The following NR3C2 variants were observed in gnomAD, a reference collection of about 807,000 sequenced individuals.
The protein encoded by NR3C2 is mineralocorticoid receptor.
In NR3C2, 15 loss-of-function variants were observed where a neutral mutation model predicts 86.4. The observed-to-expected ratio is 0.17, with a 90% CI of 0.12 to 0.27. NR3C2 has a LOEUF of 0.27. Ranked by LOEUF, NR3C2 falls within the 10% of genes least tolerant of loss-of-function variation. The probability of loss-of-function intolerance (pLI) is 1.00; values close to 1 mark genes in which losing one functional copy is unlikely to be tolerated. For missense variants in NR3C2, 960 were observed against 1,195.6 expected (o/e 0.80, Z 2.91); for synonymous variants, 458 against 450.5 (o/e 1.02, Z -0.21).
At chr4:148,251,205 C>T (rs1435107363) in intron 3 of NR3C2, among the ~76,000 whole-genome samples, 1 of 152,080 alleles carries the variant, frequency 6.6e-6, no homozygotes, top group Non-Finnish European at 1.5e-5. Context: ...ATAATCCACC[C>T]GCCTAAACCT....
chr4:148,246,058 G>A (rs917721224), intron 3 of NR3C2, among the ~76,000 whole-genome samples: 1 of 151,576 alleles, frequency 6.6e-6, no homozygotes, highest in African/African-American at 2.4e-5. Context: ...AAGCCTAAGT[G>A]TAAGAAACGA....
At position 148,213,591 on chromosome 4, in the gene NR3C2, TC is replaced by T. The variant is rs1392735132; in HGVS notation, c.1898-18730del. On this transcript the variant is annotated intron_variant, in intron 3 of 8. Coordinates refer to ENST00000358102, the MANE Select transcript of NR3C2 (RefSeq NM_000901.5). ...AAAGGCTATGGTCTTTCACATGTAC[TC>T]AACCTTTAAGTCAATACAATCTAAT... 1.1e-4 allele frequency among the ~76,000 whole-genome samples: 16 copies of T among 152,096 alleles called. No homozygotes were observed. In the East Asian group the frequency reaches 2.7e-3, roughly 26 times the overall value.
chr4:148,427,420 A>G (rs963060839), intron 2 of NR3C2, among the ~76,000 whole-genome samples: 1 of 152,018 alleles, frequency 6.6e-6, no homozygotes, highest in African/African-American at 2.4e-5. Flanking sequence ...GTAGGTATCC[A>G]CAGTGAAGAA....
intron 2 of NR3C2, among the ~76,000 whole-genome samples, chr4:148,318,726 TG>T (rs1743369822): frequency 6.6e-6 from 1 of 152,090 alleles, no homozygotes; most frequent in South Asian, 2.1e-4. Flanking sequence ...TGGGGTTGTT[TG>T]TTTTTTTCTT....
At chr4:148,203,330 A>T (rs578075229) in intron 3 of NR3C2, among the ~76,000 whole-genome samples, 25 of 152,296 alleles carry the variant, frequency 1.6e-4, no homozygotes, top group African/African-American at 4.3e-4. Flanking sequence ...TAAAAAAAAA[A>T]AATCATTTAT....
chr4:148,364,315 A>C (rs1311246198), intron 2 of NR3C2, among the ~76,000 whole-genome samples: 3 of 152,208 alleles, frequency 2.0e-5, no homozygotes, highest in Non-Finnish European at 2.9e-5. Flanking sequence ...TGACTGACAC[A>C]CTGCTTTAGG....
chr4:148,391,974 A>G (rs1265939634), intron 2 of NR3C2, among the ~76,000 whole-genome samples: 2 of 151,804 alleles, frequency 1.3e-5, no homozygotes, highest in African/African-American at 2.4e-5. Flanking sequence ...AAACCTTTGG[A>G]GAAATAAAAA....
chr4:148,209,243 CA>C (rs772286541), intron 3 of NR3C2, among the ~76,000 whole-genome samples: 80 of 108,850 alleles, frequency 7.3e-4, no homozygotes, highest in Non-Finnish European at 6.7e-4. Context: ...GACTCAGTCT[CA>C]AAAAAAAAAA....
At chr4:148,307,421 T>C (rs955568240) in intron 2 of NR3C2, among the ~76,000 whole-genome samples, 5 of 152,204 alleles carry the variant, frequency 3.3e-5, no homozygotes, top group Non-Finnish European at 7.3e-5. Context: ...TATTAACTCA[T>C]AGACTCATAT....
At chr4:148,301,805 C>A (rs762499169) in intron 2 of NR3C2, among the ~76,000 whole-genome samples, 7 of 152,164 alleles carry the variant, frequency 4.6e-5, no homozygotes, top group Non-Finnish European at 7.3e-5. Context: ...CTCTTGGATG[C>A]TACGGAGGAC....
At chr4:148,124,842 A>G (rs1379459435) in intron 6 of NR3C2, among the ~76,000 whole-genome samples, 1 of 152,106 alleles carries the variant, frequency 6.6e-6, no homozygotes, top group African/African-American at 2.4e-5. Context: ...ATAATCTACC[A>G]TTTAATATCT....
intron 2 of NR3C2, among the ~76,000 whole-genome samples, chr4:148,316,867 T>C (rs1381860454): frequency 6.6e-6 from 1 of 152,144 alleles, no homozygotes; most frequent in African/African-American, 2.4e-5. Flanking sequence ...AGTGGTGTGA[T>C]CATGGCTCAC....
At chr4:148,295,898 G>A (rs1164036003) in intron 2 of NR3C2, among the ~76,000 whole-genome samples, 3 of 151,890 alleles carry the variant, frequency 2.0e-5, no homozygotes, top group Non-Finnish European at 4.4e-5. Flanking sequence ...ATAGACTGCA[G>A]CCCAATAGGA....
chr4:148,307,031 G>A (rs557804511), intron 2 of NR3C2, among the ~76,000 whole-genome samples: 8 of 151,680 alleles, frequency 5.3e-5, no homozygotes, highest in African/African-American at 1.4e-4. Flanking sequence ...GCTTTCTCTC[G>A]AACGTGAATA....
At chr4:148,194,468 T>C (rs560468120) in intron 4 of NR3C2, among the ~76,000 whole-genome samples, 1 of 152,330 alleles carries the variant, frequency 6.6e-6, no homozygotes, top group East Asian at 1.9e-4. Context: ...AAGTCATTCA[T>C]TTTTGTTTTG....
At chr4:148,354,819 T>C (rs1261243666) in intron 2 of NR3C2, among the ~76,000 whole-genome samples, 1 of 152,180 alleles carries the variant, frequency 6.6e-6, no homozygotes, top group Admixed American at 6.6e-5. Flanking sequence ...TATAGAATTA[T>C]CTTAATCAAG....
intron 2 of NR3C2, among the ~76,000 whole-genome samples, chr4:148,273,792 G>C (rs941179955): frequency 4.6e-5 from 7 of 152,208 alleles, no homozygotes; most frequent in African/African-American, 1.4e-4. Context: ...AGTGGGCACA[G>C]AGCATGACTA....
chr4:148,284,408 A>T (rs1018632607), intron 2 of NR3C2, among the ~76,000 whole-genome samples: 3 of 152,180 alleles, frequency 2.0e-5, no homozygotes, highest in African/African-American at 4.8e-5. Context: ...GAATCAAAGG[A>T]TAAAAGAACA....
chr4:148,321,007 G>A (rs1198418069), intron 2 of NR3C2, among the ~76,000 whole-genome samples: 2 of 150,068 alleles, frequency 1.3e-5, no homozygotes, highest in Admixed American at 6.7e-5. Context: ...TTTCTCTTGT[G>A]GGCATTTAGT....
Sources: allele counts gnomAD v4.1 joint callset (sites outside exome capture counted in the v4.1 genomes callset), GRCh38; gene constraint gnomAD v4.1.1; transcripts MANE v1.5; gene names NCBI Gene and HGNC (gene_info 2026-07-23, HGNC 2026-07-21).